The following KCNK1 variants were observed in gnomAD, a reference collection of about 807,000 sequenced individuals.
KCNK1 encodes potassium channel subfamily K member 1.
Under a neutral mutation model 22.2 loss-of-function variants are expected in KCNK1, and 10 were observed. That is an observed-to-expected ratio of 0.45 (90% CI 0.28 to 0.76). The LOEUF (loss-of-function observed/expected upper bound fraction) is 0.76. Ranked by LOEUF, KCNK1 falls within the 30% of genes least tolerant of loss-of-function variation. KCNK1 has a pLI of 0.14. For synonymous variants in KCNK1, 200 were observed against 186.4 expected (o/e 1.07, Z -0.60); for missense variants, 378 against 421.0 (o/e 0.90, Z 0.89).
chr1:233,666,884 C>A lies in KCNK1; in HGVS notation c.645C>A (p.Ser215=), dbSNP rs755453923. ...AGGATGACTGGAACTTCCTGGAATC[C>A]TTTTATTTTTGTTTTATTTCCCTGA... ...VLEDDWNFLE[S]FYFCFISLST... Residue 215 remains serine, a synonymous_variant, in exon 2 of 3, where the codon TCC becomes TCA. Transcript: ENST00000366621. The A allele has an allele frequency of 6.2e-7, 1 of 1,614,128 alleles. No homozygotes were observed. The highest frequency in any genetic ancestry group is 1.1e-5 in the South Asian group (1 of 91,088).
chr1:233,623,221 GA>G (rs150111283), intron 1 of KCNK1, among the ~76,000 whole-genome samples: 3,112 of 128,348 alleles, frequency 0.024, 97 homozygotes, highest in African/African-American at 0.08. Context: ...TGGTTAGCAA[GA>G]AAAAAAAAAG....
chr1:233,641,464 T>C (rs1218780665), intron 1 of KCNK1, among the ~76,000 whole-genome samples: 1 of 152,230 alleles, frequency 6.6e-6, no homozygotes, highest in Non-Finnish European at 1.5e-5. Flanking sequence ...TTAAGATTGC[T>C]TGCAGCTGCA....
chr1:233,659,318 T>C (rs1170982054), intron 1 of KCNK1, among the ~76,000 whole-genome samples: 3 of 151,510 alleles, frequency 2.0e-5, no homozygotes, highest in African/African-American at 7.3e-5. Context: ...TCAGGGGCAG[T>C]AACACGCATG....
chr1:233,626,445 G>A (rs1419622576), intron 1 of KCNK1, among the ~76,000 whole-genome samples: 1 of 152,130 alleles, frequency 6.6e-6, no homozygotes, highest in Non-Finnish European at 1.5e-5. Context: ...CCCTAATGGG[G>A]CGTGATGAGG....
At chr1:233,622,478 T>C (rs1228224150) in intron 1 of KCNK1, among the ~76,000 whole-genome samples, 1 of 152,180 alleles carries the variant, frequency 6.6e-6, no homozygotes, top group Non-Finnish European at 1.5e-5. Flanking sequence ...TTTGAGGTGT[T>C]TTATTGACTC....
intron 1 of KCNK1, among the ~76,000 whole-genome samples, chr1:233,635,809 T>C (rs1395665861): frequency 3.9e-5 from 6 of 152,100 alleles, no homozygotes; most frequent in African/African-American, 1.4e-4. Context: ...GACAATAATA[T>C]AAATAAATAA....
chr1:233,618,318 G>C (rs1427376120), intron 1 of KCNK1, among the ~76,000 whole-genome samples: 1 of 150,572 alleles, frequency 6.6e-6, no homozygotes, highest in East Asian at 1.9e-4. Flanking sequence ...TCAGAAAGAA[G>C]AGTTGTATAC....
At chr1:233,620,476 G>A (rs1316473628) in intron 1 of KCNK1, among the ~76,000 whole-genome samples, 1 of 152,104 alleles carries the variant, frequency 6.6e-6, no homozygotes, top group Non-Finnish European at 1.5e-5. Flanking sequence ...TATTTCAGAT[G>A]CCACTTACTT....
At chr1:233,655,865 T>G in intron 1 of KCNK1, 1 of 149,766 alleles carries the variant, frequency 6.7e-6, no homozygotes, top group Non-Finnish European at 1.5e-5. Flanking sequence ...TTGAACAGAC[T>G]AAGATACCCT....
At chr1:233,638,223 C>T (rs1293087726) in intron 1 of KCNK1, among the ~76,000 whole-genome samples, 1 of 152,036 alleles carries the variant, frequency 6.6e-6, no homozygotes, top group Non-Finnish European at 1.5e-5. Flanking sequence ...CCCCTGACTC[C>T]AGTATTCCTG....
chr1:233,624,489 C>T (rs1657650939), intron 1 of KCNK1, among the ~76,000 whole-genome samples: 2 of 152,266 alleles, frequency 1.3e-5, no homozygotes, highest in South Asian at 2.1e-4. Context: ...CCTGGCCTCA[C>T]CTGGCACCTG....
chr1:233,666,569 C>T, intron 1 of KCNK1, 26 bp from the exon 2 acceptor site: 2 of 1,568,256 alleles, frequency 1.3e-6, no homozygotes, highest in Non-Finnish European at 1.7e-6. Context: ...TTCCTCTTCG[C>T]CTCAGTGACC....
chr1:233,636,270 G>A (rs1355448081), intron 1 of KCNK1, among the ~76,000 whole-genome samples: 1 of 152,172 alleles, frequency 6.6e-6, no homozygotes, highest in Non-Finnish European at 1.5e-5. Context: ...TTTTCTTAGG[G>A]TTGCTGTGGC....
At chr1:233,649,463 T>A (rs1308465081) in intron 1 of KCNK1, among the ~76,000 whole-genome samples, 1 of 152,258 alleles carries the variant, frequency 6.6e-6, no homozygotes, top group Non-Finnish European at 1.5e-5. Context: ...ATTTTTCCTC[T>A]ACTCTTGCAT....
chr1:233,660,486 T>C (rs1317492506), intron 1 of KCNK1: 1 of 152,234 alleles, frequency 6.6e-6, no homozygotes, highest in Non-Finnish European at 1.5e-5. Context: ...ACAGTCTTCA[T>C]TGATGACCTT....
chr1:233,666,403 T>G (rs141812916), intron 1 of KCNK1, among the ~76,000 whole-genome samples, 192 bp from the exon 2 acceptor site: 10 of 152,328 alleles, frequency 6.6e-5, no homozygotes, highest in Non-Finnish European at 1.2e-4. Context: ...ACTTTCAAAC[T>G]TATGGTGACC....
chr1:233,625,522 G>A (rs988090649), intron 1 of KCNK1, among the ~76,000 whole-genome samples: 13 of 152,116 alleles, frequency 8.5e-5, no homozygotes, highest in Admixed American at 3.3e-4. Context: ...GGCAGGAGAA[G>A]GTCGGAGAAA....
Position 233,624,452 on chromosome 1 carries a change from A to ATCTTCACCTGGCCTCACCTG in KCNK1, c.355+9947_355+9966dup, listed in dbSNP as rs1365878668. On this transcript the variant is annotated intron_variant, in intron 1 of 2. Coordinates refer to ENST00000366621, the MANE Select transcript of KCNK1 (RefSeq NM_002245.4). ...CATCTGTCTTCACCTGGCCTCACCT[A>ATCTTCACCTGGCCTCACCTG]TCTTCACCTGGCCTCACCTGTCTTC... Among the ~76,000 whole-genome samples, 9 of 151,806 alleles carry ATCTTCACCTGGCCTCACCTG rather than the reference A, an allele frequency of 5.9e-5. No individual in the cohort carries two copies. The South Asian group carries it at 6.3e-4, about 11-fold the overall frequency.
intron 1 of KCNK1, among the ~76,000 whole-genome samples, chr1:233,626,041 C>T (rs1380192150): frequency 6.6e-5 from 10 of 151,726 alleles, no homozygotes; most frequent in Admixed American, 2.6e-4. Flanking sequence ...TGTTCCAACG[C>T]GTTCACTCTG....
Sources: gnomAD v4.1 joint callset for allele counts (sites outside exome capture counted in the v4.1 genomes callset) on GRCh38, gnomAD v4.1.1 for gene constraint, MANE v1.5 for transcripts, NCBI Gene and HGNC (gene_info 2026-07-23, HGNC 2026-07-21) for gene names.